Variants in NHSL1 observed in about 807,000 individuals in gnomAD.
NHSL1 encodes the protein NHS like 1, also known as NHS-like protein 1.
A neutral mutation model predicts 95.0 loss-of-function variants in NHSL1; 48 were observed. That is an observed-to-expected ratio of 0.51 (90% CI 0.40 to 0.64). The LOEUF is 0.64. Ranked by LOEUF, NHSL1 falls within the 30% of genes least tolerant of loss-of-function variation. The probability of loss-of-function intolerance (pLI) is 0.00; values close to 1 mark genes in which losing one functional copy is unlikely to be tolerated. For synonymous variants in NHSL1, 783 were observed against 833.9 expected, an observed-to-expected ratio of 0.94 and a Z score of 1.05; for missense variants, 1,971 against 2,077.7, an observed-to-expected ratio of 0.95 and a Z score of 1.00.
At chr6:138,467,929 G>A (rs1778498176) in intron 3 of NHSL1, among the ~76,000 whole-genome samples, 1 of 151,632 alleles carries the variant, frequency 6.6e-6, no homozygotes, top group African/African-American at 2.4e-5. Context: ...TTTCTTTTTT[G>A]TAGAGATGGG....
At chr6:138,587,211 G>A (rs891691573) in intron 1 of NHSL1, among the ~76,000 whole-genome samples, 5 of 151,412 alleles carry the variant, frequency 3.3e-5, no homozygotes, top group Non-Finnish European at 5.9e-5. Context: ...GATCTCAGGC[G>A]ATCCGCCCAC....
At chr6:138,434,082 A>C (rs1269917710) in intron 5 of NHSL1, among the ~76,000 whole-genome samples, 1 of 152,206 alleles carries the variant, frequency 6.6e-6, no homozygotes, top group African/African-American at 2.4e-5. Context: ...CATCTTTCCC[A>C]AAGGTAGATG....
At chr6:138,567,084 AT>A (rs202044250) in intron 1 of NHSL1, among the ~76,000 whole-genome samples, 52 of 142,110 alleles carry the variant, frequency 3.7e-4, no homozygotes, top group East Asian at 4.0e-4. Flanking sequence ...GAAGGAAGCT[AT>A]TTTTTTTTTT....
In NHSL1 at chr6:138,430,750, G is replaced by C; in HGVS notation, c.3595C>G (p.Pro1199Ala). 1.9e-6 allele frequency: 3 copies of C among 1,551,760 alleles called. No homozygotes were observed. In the South Asian group the frequency reaches 3.6e-5, roughly 18 times the overall value. Reference protein sequence around the residue: ...SRKPPPISKKPKLFLVVPPPQ... With the variant: ...SRKPPPISKKAKLFLVVPPPQ... The stretch of plus-strand genomic sequence containing the variant: ...GGTGGTACCACCAGGAACAGTTTGG[G>C]CTTCTTGGAAATGGGGGGTGGCTTC... Residue 1199 changes from proline (P) to alanine (A), a missense_variant, in exon 6 of 8, where the codon CCC becomes GCC. Around this residue, in one of 3 missense-constraint regions of NHSL1, gnomAD observed 1,602 missense variants for 1,654.5 expected, o/e 0.97. Coordinates refer to ENST00000343505, the MANE Select transcript of NHSL1 (RefSeq NM_001144060.2). The surrounding 1 kb of genome is among the most constrained non-coding windows in gnomAD (Gnocchi z 4.7).
intron 1 of NHSL1, among the ~76,000 whole-genome samples, chr6:138,617,679 A>G (rs185740567): frequency 7.2e-5 from 11 of 152,344 alleles, no homozygotes; most frequent in African/African-American, 2.4e-4. Context: ...CACAATGAAG[A>G]TACTAGACGA....
chr6:138,604,959 T>C (rs903700234), intron 1 of NHSL1, among the ~76,000 whole-genome samples: 8 of 152,166 alleles, frequency 5.3e-5, no homozygotes, highest in African/African-American at 9.7e-5. Flanking sequence ...TTGTTTCAAA[T>C]TTAAGGAAAA....
At chr6:138,599,159 A>G (rs1213948897) in intron 1 of NHSL1, among the ~76,000 whole-genome samples, 2 of 152,254 alleles carry the variant, frequency 1.3e-5, no homozygotes, top group Admixed American at 6.5e-5. Flanking sequence ...ATTCTATTAC[A>G]TATTTTTTTC....
chr6:138,565,581 C>A (rs1156765822), intron 1 of NHSL1, among the ~76,000 whole-genome samples: 3 of 151,912 alleles, frequency 2.0e-5, no homozygotes, highest in Admixed American at 1.3e-4. Flanking sequence ...ATACAGCAGA[C>A]CTTTAGGAGA....
At chr6:138,464,577 A>G (rs1008351525) in intron 3 of NHSL1, among the ~76,000 whole-genome samples, 1 of 152,182 alleles carries the variant, frequency 6.6e-6, no homozygotes, top group African/African-American at 2.4e-5. Flanking sequence ...TAGATTTACT[A>G]TAAGTGATCC....
chr6:138,524,673 A>G (rs1328058433), intron 1 of NHSL1, among the ~76,000 whole-genome samples: 1 of 152,100 alleles, frequency 6.6e-6, no homozygotes, highest in Non-Finnish European at 1.5e-5. Flanking sequence ...GGTAAACATT[A>G]AGTATCTCGT....
In NHSL1 at chr6:138,658,583, G is replaced by A. The variant is rs149472887; in HGVS notation, c.96+33893C>T. Among the ~76,000 whole-genome samples, 40 of 152,132 alleles carry A rather than the reference G, an allele frequency of 2.6e-4. No individual in the cohort carries two copies. In the East Asian group the frequency reaches 5.6e-3, roughly 21 times the overall value. ...AATAAACACCACATTTTCTTTATCCGTGCATCCACTGAAAGACAAAGGTTG... is the reference window on the plus strand; with the variant it reads ...AATAAACACCACATTTTCTTTATCCATGCATCCACTGAAAGACAAAGGTTG... On this transcript the variant is annotated intron_variant, in intron 1 of 3. Transcript: ENST00000491526.
rs952701193 is a variant in NHSL1, at chr6:138,431,409, A to G, written c.2936T>C (p.Leu979Pro). The G allele has an allele frequency of 6.4e-7, 1 of 1,550,404 alleles. No homozygotes were observed. The highest frequency in any genetic ancestry group is 8.7e-7 in the Non-Finnish European group (1 of 1,146,714). ...PVFPPPPPEA[L>P]IPFCSPPDWC... ...ATCAGGTGGGGAGCAGAAAGGAATG[A>G]GAGCTTCTGGCGGCGGAGGGGGGAA... is the stretch of plus-strand genomic sequence containing the variant. Residue 979 changes from leucine to proline, a missense_variant, in exon 6 of 8, where the codon CTC (leucine) becomes CCC (proline). Coordinates refer to ENST00000343505, the MANE Select transcript of NHSL1 (RefSeq NM_001144060.2). The surrounding 1 kb of genome is among the most constrained non-coding windows in gnomAD (Gnocchi z 4.0).
intron 2 of NHSL1, among the ~76,000 whole-genome samples, chr6:138,474,261 T>C (rs1016955573): frequency 6.6e-6 from 1 of 152,188 alleles, no homozygotes; most frequent in African/African-American, 2.4e-5. Context: ...CCTTTAACTA[T>C]CCAGCTTTCT....
chr6:138,478,013 T>TA (rs1779186632), intron 2 of NHSL1, among the ~76,000 whole-genome samples: 1 of 23,146 alleles, frequency 4.3e-5, no homozygotes, highest in South Asian at 1.1e-3. Flanking sequence ...TTTATGTCAC[T>TA]TTTTTTTTTT....
chr6:138,680,961 G>A (rs980122488), intron 1 of NHSL1, among the ~76,000 whole-genome samples: 1 of 152,102 alleles, frequency 6.6e-6, no homozygotes, highest in African/African-American at 2.4e-5. Context: ...CATCTCTTGG[G>A]AAGCTCATAA....
intron 1 of NHSL1, among the ~76,000 whole-genome samples, chr6:138,535,675 G>A (rs1254275219): frequency 6.6e-6 from 1 of 152,184 alleles, no homozygotes; most frequent in African/African-American, 2.4e-5. Context: ...AGTCTGCAGT[G>A]GGATAGATAG....
At chr6:138,610,012 T>C (rs767072196) in intron 1 of NHSL1, among the ~76,000 whole-genome samples, 1 of 152,104 alleles carries the variant, frequency 6.6e-6, no homozygotes, top group African/African-American at 2.4e-5. Context: ...CTGCCAAGCC[T>C]GAGGGTTTAC....
chr6:138,569,068 G>C (rs1341775989), intron 1 of NHSL1, among the ~76,000 whole-genome samples: 1 of 152,192 alleles, frequency 6.6e-6, no homozygotes, highest in Admixed American at 6.5e-5. Context: ...AGCGGGCAGG[G>C]AACAGGCAAG....
intron 3 of NHSL1, among the ~76,000 whole-genome samples, chr6:138,463,764 A>G (rs537285206): frequency 7.2e-4 from 109 of 151,242 alleles, no homozygotes; most frequent in African/African-American, 2.4e-3. Context: ...TCACTGCTCA[A>G]CTCCCACTTG....
Sources: allele counts gnomAD v4.1 joint callset (sites outside exome capture counted in the v4.1 genomes callset), GRCh38; gene constraint gnomAD v4.1.1; regional missense constraint gnomAD v4.1.1; non-coding constraint Gnocchi (gnomAD v3.1); transcripts MANE v1.5; gene names NCBI Gene and HGNC (gene_info 2026-07-23, HGNC 2026-07-21).